PAK5: variants seen among roughly 807,000 people sequenced by gnomAD.
The protein encoded by PAK5 is p21 (RAC1) activated kinase 5, also known as serine/threonine-protein kinase PAK 5.
Under a neutral mutation model 65.9 loss-of-function variants are expected in PAK5, and 16 were observed. That is an observed-to-expected ratio of 0.24 (90% confidence interval 0.16 to 0.37). PAK5 has a LOEUF of 0.37. Among genes scored for constraint, PAK5 ranks in the 10% least tolerant of loss-of-function variants. The pLI is 1.00. For synonymous variants in PAK5, 371 were observed against 354.9 expected (o/e 1.05, Z -0.51); for missense variants, 785 against 903.9 (o/e 0.87, Z 1.69).
chr20:9,790,461 G>T (rs2206482), intron 1 of PAK5, among the ~76,000 whole-genome samples: 59,430 of 151,712 alleles, frequency 0.39, 12,010 homozygotes, highest in Admixed American at 0.46. Context: ...ATTACACAAA[G>T]GTAGAATGAT....
Position 9,607,580 on chromosome 20 carries a change from A to T in PAK5, c.205-26650T>A, listed in dbSNP as rs2046478279. Among the ~76,000 whole-genome samples, 5 of 152,178 alleles carry T rather than the reference A, an allele frequency of 3.3e-5. No individual in the cohort carries two copies. In the South Asian group the frequency reaches 1.0e-3, roughly 32 times the overall value. On this transcript the variant is annotated intron_variant, in intron 3 of 9. Coordinates refer to ENST00000353224, the MANE Select transcript of PAK5 (RefSeq NM_177990.4). ...GGCGGCTCACACCTGTAATCCCAGC[A>T]CTTTGGGAGGCCAAGGTGGGAGGAT...
intron 1 of PAK5, among the ~76,000 whole-genome samples, chr20:9,789,964 C>T (rs985956537): frequency 5.9e-5 from 9 of 152,088 alleles, no homozygotes; most frequent in Admixed American, 5.9e-4. Context: ...GGCCTTTTTA[C>T]GCCCAAGCTG....
chr20:9,603,898 G>A (rs1411590768), intron 3 of PAK5, among the ~76,000 whole-genome samples: 2 of 152,130 alleles, frequency 1.3e-5, no homozygotes, highest in Admixed American at 1.3e-4. Flanking sequence ...CATCTTCACT[G>A]CTACATTCAC....
intron 2 of PAK5, among the ~76,000 whole-genome samples, chr20:9,705,585 G>C (rs2047996607): frequency 6.6e-6 from 1 of 152,022 alleles, no homozygotes; most frequent in African/African-American, 2.4e-5. Context: ...GACTGTCCTG[G>C]TTTTAGCACC....
At chr20:9,551,523 C>G (rs8121083) in intron 7 of PAK5, among the ~76,000 whole-genome samples, 51,442 of 151,916 alleles carry the variant, frequency 0.34, 11,604 homozygotes, top group African/African-American at 0.65. Context: ...GGGTTGGGGG[C>G]TAGTGAGAGT....
chr20:9,646,636 T>G (rs893694848), intron 2 of PAK5, among the ~76,000 whole-genome samples: 4 of 152,184 alleles, frequency 2.6e-5, no homozygotes, highest in Non-Finnish European at 4.4e-5. Context: ...CTGGTATCCA[T>G]GCCTTCAAGG....
intron 1 of PAK5, among the ~76,000 whole-genome samples, chr20:9,732,607 T>C (rs1046991971): frequency 6.6e-6 from 1 of 151,724 alleles, no homozygotes; most frequent in Non-Finnish European, 1.5e-5. Context: ...ATTCCTCCAA[T>C]AGCTCTGATA....
chr20:9,580,896 G>A lies in PAK5; in HGVS notation c.239C>T (p.Thr80Ile). 1 of 1,606,012 alleles carries A rather than the reference G, an allele frequency of 6.2e-7. No homozygotes were observed. Among genetic ancestry groups the A allele is most frequent in the Non-Finnish European group, 8.5e-7 (1 of 1,176,018 alleles). ...IVRGNKPCKETSINGLLEDFD... is the reference protein window; with the variant it reads ...IVRGNKPCKEISINGLLEDFD... ...ATCCTCTAGCAGGCCGTTGATGGAG[G>A]TTTCCTTGCAGGGTTTGTTTCCTCT... The change falls in exon 4 of 10, where the codon ACC (threonine) becomes ATC (isoleucine). Residue 80 changes from threonine to isoleucine, a missense_variant. By Grantham distance (89) the Thr-to-Ile change is moderately conservative. This residue lies in a region of PAK5 where 71 missense variants were observed against 110.2 expected (regional missense o/e 0.64). Transcript: ENST00000353224.
rs185256940 is a variant in PAK5 at position 9,656,103 on chromosome 20, T to A, written c.-11-11764A>T. On this transcript the variant is annotated intron_variant, in intron 2 of 9. Transcript: ENST00000353224. ...AGAGCAAGCATGTTTAAAACTTTTTTAAATGCTAGCAAGTTGGCTTTCAGA... is the reference window on the plus strand; with the variant it reads ...AGAGCAAGCATGTTTAAAACTTTTTAAAATGCTAGCAAGTTGGCTTTCAGA... Among the ~76,000 whole-genome samples, 740 of 152,292 alleles carry A rather than the reference T, an allele frequency of 4.9e-3. 5 individuals are homozygous for A. The highest frequency in any genetic ancestry group is 7.9e-3 in the Non-Finnish European group (539 of 68,020).
intron 2 of PAK5, among the ~76,000 whole-genome samples, chr20:9,707,343 C>G (rs1030013026): frequency 2.3e-4 from 35 of 152,196 alleles, no homozygotes; most frequent in African/African-American, 7.9e-4. Context: ...CTCCTGGACC[C>G]AAGTGATCCT....
intron 3 of PAK5, among the ~76,000 whole-genome samples, chr20:9,605,001 G>T (rs1002629351): frequency 6.6e-6 from 1 of 152,160 alleles, no homozygotes; most frequent in Non-Finnish European, 1.5e-5. Flanking sequence ...TTTAGTGCAG[G>T]TTCTTTATTT....
At chr20:9,757,565 C>G (rs1427777685) in intron 1 of PAK5, among the ~76,000 whole-genome samples, 1 of 151,982 alleles carries the variant, frequency 6.6e-6, no homozygotes, top group African/African-American at 2.4e-5. Context: ...AAAGAAATAC[C>G]AGAGTTCAGA....
intron 2 of PAK5, among the ~76,000 whole-genome samples, chr20:9,706,999 C>A (rs974060148): frequency 2.6e-5 from 4 of 152,108 alleles, no homozygotes; most frequent in South Asian, 4.1e-4. Context: ...GTACATTTTA[C>A]ATATTTCTTG....
intron 1 of PAK5, among the ~76,000 whole-genome samples, chr20:9,801,225 C>T: frequency 6.6e-6 from 1 of 152,134 alleles, no homozygotes; most frequent in Non-Finnish European, 1.5e-5. Context: ...TTCACTGTAA[C>T]CTACAAGGAG....
At chr20:9,554,942 C>T (rs527999304) in intron 7 of PAK5, among the ~76,000 whole-genome samples, 1 of 152,316 alleles carries the variant, frequency 6.6e-6, no homozygotes, top group East Asian at 1.9e-4. Context: ...TCAGAGGGAT[C>T]TTCTGACCAG....
At chr20:9,724,189 T>A (rs191503232) in intron 1 of PAK5, among the ~76,000 whole-genome samples, 12 of 152,218 alleles carry the variant, frequency 7.9e-5, no homozygotes, top group East Asian at 3.9e-4. Context: ...TCCAAAAAAA[T>A]TTTTTTTAAT....
chr20:9,786,775 G>A (rs1466172940), intron 1 of PAK5, among the ~76,000 whole-genome samples: 1 of 152,100 alleles, frequency 6.6e-6, no homozygotes, highest in Non-Finnish European at 1.5e-5. Context: ...TCAAAATACA[G>A]AATGTGTTTC....
At chr20:9,808,418 G>A (rs969721397) in intron 1 of PAK5, among the ~76,000 whole-genome samples, 1 of 152,140 alleles carries the variant, frequency 6.6e-6, no homozygotes, top group Non-Finnish European at 1.5e-5. Context: ...AATTGAAAAT[G>A]TATGTTCACA....
At chr20:9,590,140 TA>T (rs199523446) in intron 3 of PAK5, among the ~76,000 whole-genome samples, 26 of 148,832 alleles carry the variant, frequency 1.7e-4, no homozygotes, top group East Asian at 7.8e-4. Flanking sequence ...CCTGGCTAAT[TA>T]AAAAAAAAAT....
Sources: allele counts gnomAD v4.1 joint callset (sites outside exome capture counted in the v4.1 genomes callset), GRCh38; gene constraint gnomAD v4.1.1; regional missense constraint gnomAD v4.1.1; transcripts MANE v1.5; gene names NCBI Gene and HGNC (gene_info 2026-07-23, HGNC 2026-07-21).